The following DNM2 variants were observed in gnomAD, a reference collection of about 807,000 sequenced individuals.
DNM2 encodes dynamin 2, also known as dynamin-2.
Under a neutral mutation model 99.0 loss-of-function variants are expected in DNM2, and 15 were observed. That is an observed-to-expected ratio of 0.15 (90% CI 0.10 to 0.23). The LOEUF is 0.23. Among genes scored for constraint, DNM2 ranks in the 10% least tolerant of loss-of-function variants. The pLI is 1.00. For missense variants in DNM2, 742 were observed against 1,189.4 expected (o/e 0.62, Z 5.53); for synonymous variants, 525 against 481.2 (o/e 1.09, Z -1.19).
intron 1 of DNM2, among the ~76,000 whole-genome samples, chr19:10,752,367 G>A (rs1445970468): frequency 6.6e-6 from 1 of 152,220 alleles, no homozygotes; most frequent in Admixed American, 6.5e-5. Flanking sequence ...ACAGCTCTGT[G>A]TTCTCTTGGG....
intron 14 of DNM2, chr19:10,809,283 G>C (rs1213923072): frequency 6.6e-6 from 1 of 152,294 alleles, no homozygotes; most frequent in African/African-American, 2.4e-5. Context: ...GCTGCCTCTT[G>C]TCCTCCAGAT....
chr19:10,771,815 A>C (rs891357791), intron 2 of DNM2, among the ~76,000 whole-genome samples: 1 of 152,172 alleles, frequency 6.6e-6, no homozygotes, highest in Non-Finnish European at 1.5e-5. Context: ...GTAATCCCAG[A>C]AACTTTGGTC....
chr19:10,756,669 G>A (rs1436001597), intron 1 of DNM2, among the ~76,000 whole-genome samples: 1 of 152,124 alleles, frequency 6.6e-6, no homozygotes, highest in African/African-American at 2.4e-5. Flanking sequence ...TGGCTGCAGA[G>A]ACAGGATGCA....
chr19:10,794,917 T>C (rs1330563974), intron 8 of DNM2, among the ~76,000 whole-genome samples: 1 of 152,074 alleles, frequency 6.6e-6, no homozygotes, highest in East Asian at 1.9e-4. Flanking sequence ...ATTAATTTGT[T>C]TGTTTATTTT....
intron 1 of DNM2, among the ~76,000 whole-genome samples, chr19:10,757,517 G>A (rs2070433459): frequency 6.6e-6 from 1 of 152,190 alleles, no homozygotes; most frequent in Admixed American, 6.5e-5. Flanking sequence ...AATGATTGTA[G>A]TGCTAGTGAC....
intron 15 of DNM2, among the ~76,000 whole-genome samples, chr19:10,814,921 G>C (rs574279476): frequency 5.9e-5 from 9 of 152,184 alleles, no homozygotes; most frequent in Non-Finnish European, 1.0e-4. Flanking sequence ...ACTCTGATGC[G>C]GTCCAGGTTG....
chr19:10,782,840 G>T, intron 5 of DNM2, 120 bp from the exon 6 acceptor site: 1 of 1,370,586 alleles, frequency 7.3e-7, no homozygotes, highest in African/African-American at 1.4e-5. Flanking sequence ...AACATGTTAT[G>T]ACAGCTGTGA....
intron 1 of DNM2, among the ~76,000 whole-genome samples, chr19:10,745,596 C>G (rs2069936845): frequency 6.6e-6 from 1 of 152,116 alleles, no homozygotes; most frequent in Non-Finnish European, 1.5e-5. Context: ...ACTCAGGAGG[C>G]TGAGGGAGGA....
At chr19:10,720,314 G>C (rs144539673) in intron 1 of DNM2, among the ~76,000 whole-genome samples, 4,710 of 151,712 alleles carry the variant, frequency 0.031, 80 homozygotes, top group South Asian at 0.095. Flanking sequence ...CCAGGTTCAG[G>C]CCATTCTTCT....
At chr19:10,722,434 AG>A (rs1367336486) in intron 1 of DNM2, among the ~76,000 whole-genome samples, 1 of 152,150 alleles carries the variant, frequency 6.6e-6, no homozygotes, top group Non-Finnish European at 1.5e-5. Flanking sequence ...GCTGGCCAGA[AG>A]GAAGGCCTTA....
rs533823669 is a variant in DNM2, at chr19:10,821,529, T to C, written c.1781+1440T>C. Among the ~76,000 whole-genome samples, 7 of 151,304 alleles carry C rather than the reference T, an allele frequency of 4.6e-5. No homozygotes were observed. The South Asian group carries it at 1.5e-3, about 32-fold the overall frequency. On this transcript the variant is annotated intron_variant, in intron 16 of 20. Transcript: ENST00000389253. The stretch of plus-strand genomic sequence containing the variant: ...GCTCTGCGGTGGGACAGGCCTGCCA[T>C]GAAATCCTGACTTTTTTTTTAAACG...
At chr19:10,788,077 A>G (rs2071626564) in intron 7 of DNM2, among the ~76,000 whole-genome samples, 1 of 147,218 alleles carries the variant, frequency 6.8e-6, no homozygotes, top group Non-Finnish European at 1.5e-5. Flanking sequence ...TACTGAAAAT[A>G]CAAAAATTAG....
chr19:10,822,425 A>G (rs984362335), intron 16 of DNM2, among the ~76,000 whole-genome samples: 2 of 151,928 alleles, frequency 1.3e-5, no homozygotes, highest in Non-Finnish European at 2.9e-5. Flanking sequence ...TCCTGAGCTC[A>G]AGCAATCCCC....
intron 4 of DNM2, 125 bp downstream of exon 4, chr19:10,776,031 T>G (rs989728807): frequency 5.7e-6 from 7 of 1,219,664 alleles, no homozygotes; most frequent in Non-Finnish European, 7.0e-6. Context: ...AAAGGCCTCC[T>G]GGAACATGGC....
At chr19:10,788,022 C>T (rs987406331) in intron 7 of DNM2, among the ~76,000 whole-genome samples, 4 of 151,614 alleles carry the variant, frequency 2.6e-5, no homozygotes, top group African/African-American at 7.3e-5. Flanking sequence ...ACTTGAGGTC[C>T]GGAGTTCAAG....
chr19:10,797,668 C>A, intron 10 of DNM2, 150 bp downstream of exon 10: 1 of 1,251,500 alleles, frequency 8.0e-7, no homozygotes, highest in Non-Finnish European at 1.1e-6. Context: ...CTTGCATTGG[C>A]AGATGGAATG....
chr19:10,757,382 G>A (rs988854869), intron 1 of DNM2, among the ~76,000 whole-genome samples: 1 of 152,184 alleles, frequency 6.6e-6, no homozygotes, highest in Non-Finnish European at 1.5e-5. Flanking sequence ...CCCGACGCCA[G>A]CCACTGGGTA....
At chr19:10,720,601 C>T (rs778700460) in intron 1 of DNM2, among the ~76,000 whole-genome samples, 11 of 152,098 alleles carry the variant, frequency 7.2e-5, no homozygotes, top group Non-Finnish European at 1.5e-4. Context: ...GGTAGTCCCA[C>T]ACCTGTAGTC....
chr19:10,755,984 G>A (rs2070368870), intron 1 of DNM2, among the ~76,000 whole-genome samples: 1 of 152,166 alleles, frequency 6.6e-6, no homozygotes, highest in Non-Finnish European at 1.5e-5. Context: ...CGTCTCTGAT[G>A]TGCAAGATGC....
Sources: allele counts gnomAD v4.1 joint callset (sites outside exome capture counted in the v4.1 genomes callset), GRCh38; gene constraint gnomAD v4.1.1; transcripts MANE v1.5; gene names NCBI Gene and HGNC (gene_info 2026-07-23, HGNC 2026-07-21).